PCDHGA2: variants seen among roughly 807,000 people sequenced by gnomAD.
The protein encoded by PCDHGA2 is protocadherin gamma subfamily A, 2.
A neutral mutation model predicts 59.2 loss-of-function variants in PCDHGA2; 40 were observed. The observed-to-expected ratio is 0.68, with a 90% CI of 0.52 to 0.88. The LOEUF (loss-of-function observed/expected upper bound fraction) is 0.88, where lower values mean the gene tolerates loss of function less well. PCDHGA2 is among the 40% of genes least tolerant of loss of function. The probability of loss-of-function intolerance (pLI) is 0.00; values close to 1 mark genes in which losing one functional copy is unlikely to be tolerated. For missense variants in PCDHGA2, 1,226 were observed against 1,204.0 expected, an observed-to-expected ratio of 1.02 and a Z score of -0.27; for synonymous variants, 560 against 526.0, an observed-to-expected ratio of 1.06 and a Z score of -0.89.
At chr5:141,479,573 C>A (rs1468041584) in intron 1 of PCDHGA2, 1 of 152,230 alleles carries the variant, frequency 6.6e-6, no homozygotes, top group Admixed American at 6.5e-5. Flanking sequence ...GGGATGACAT[C>A]TGTGAATAGC....
chr5:141,433,017 A>G, intron 1 of PCDHGA2: 2 of 1,614,124 alleles, frequency 1.2e-6, no homozygotes, highest in Non-Finnish European at 8.5e-7. Context: ...CTGCAGACCT[A>G]TTCCCACGAG....
chr5:141,350,507 G>A, intron 1 of PCDHGA2: 1 of 1,614,040 alleles, frequency 6.2e-7, no homozygotes, highest in Non-Finnish European at 8.5e-7. Context: ...GGATTTGTTA[G>A]TGAACGGTAG....
At position 141,477,290 on chromosome 5, in the gene PCDHGA2, C is replaced by T; in HGVS notation, c.2425-17517C>T. 5 of 1,614,158 alleles carry T rather than the reference C, an allele frequency of 3.1e-6. No individual in the cohort carries two copies. In the South Asian group the frequency reaches 5.5e-5, roughly 18 times the overall value. On this transcript the variant is annotated intron_variant, in intron 1 of 3. Coordinates refer to ENST00000394576, the MANE Select transcript of PCDHGA2 (RefSeq NM_018915.4). The surrounding 1 kb of genome is among the most constrained non-coding windows in gnomAD (Gnocchi z 4.9). ...GAACGGGCTGGTGACCTGCGAAGTT[C>T]CACCGGGTCTCCCTTTCAGCCTTAC...
In PCDHGA2 at chr5:141,395,514, C is replaced by T. The variant is rs138744897; in HGVS notation, c.2424+54119C>T. 1.1e-3 allele frequency: 455 copies of T among 421,180 alleles called. 7 individuals carry two copies. The highest frequency in any genetic ancestry group is 8.9e-3 in the African/African-American group (432 of 48,430). The allele number at this position is 421,180 out of a possible 1,614,324, so 26.1% of individuals were successfully genotyped here. ...ACTCATTCACTTAAGAAGTAGCTAC[C>T]CGTCCATACTGGTAATTTTGCTATT... On this transcript the variant is annotated intron_variant, in intron 1 of 3. Transcript: ENST00000394576.
intron 1 of PCDHGA2, chr5:141,367,404 G>C (rs919849034): frequency 1.3e-5 from 2 of 152,244 alleles, no homozygotes; most frequent in African/African-American, 4.8e-5. Flanking sequence ...GGGCGTGGTG[G>C]CAGGCGCCTG....
intron 1 of PCDHGA2, among the ~76,000 whole-genome samples, chr5:141,386,998 C>G (rs140459920): frequency 6.6e-6 from 1 of 152,058 alleles, no homozygotes; most frequent in African/African-American, 2.4e-5. Flanking sequence ...TGTATTATCC[C>G]CCTGATAACT....
At chr5:141,371,615 T>C (rs754452070) in intron 1 of PCDHGA2, 3 of 1,613,964 alleles carry the variant, frequency 1.9e-6, no homozygotes, top group Middle Eastern at 3.3e-4. Flanking sequence ...TGGTGACAGA[T>C]GGAGCCCTGG....
chr5:141,489,846 T>C lies in PCDHGA2; in HGVS notation c.2425-4961T>C. The C allele has an allele frequency of 6.2e-7, 1 of 1,614,190 alleles. No individual in the cohort carries two copies. The highest frequency in any genetic ancestry group is 1.1e-5 in the South Asian group (1 of 91,088). ...TGGTGCTAGAGCAGCAGCTGGATCG[T>C]GAAGCCCAGGCAAGACATCAGCTGG... is the stretch of plus-strand genomic sequence containing the variant. On this transcript the variant is annotated intron_variant, in intron 1 of 3. Coordinates refer to ENST00000394576, the MANE Select transcript of PCDHGA2 (RefSeq NM_018915.4). This position sits in a 1 kb window ranked among gnomAD's most constrained non-coding sequence, Gnocchi z 4.5.
At chr5:141,427,333 T>C (rs1157500463) in intron 1 of PCDHGA2, 1 of 457,322 alleles carries the variant, frequency 2.2e-6, no homozygotes, top group Non-Finnish European at 4.4e-6. Context: ...TTTACTTCAG[T>C]GTCCAGTTCT....
chr5:141,490,061 A>T lies in PCDHGA2; in HGVS notation c.2425-4746A>T. The stretch of plus-strand genomic sequence containing the variant: ...GCCACTGATCCAGACGAGGGCACCA[A>T]CGGCCAACTAGACTATTCTTTTGGA... On this transcript the variant is annotated intron_variant, in intron 1 of 3. Transcript: ENST00000394576. This position sits in a 1 kb window ranked among gnomAD's most constrained non-coding sequence, Gnocchi z 5.4. 1 of 1,614,214 alleles carries T rather than the reference A, an allele frequency of 6.2e-7. No homozygotes were observed. The highest frequency in any genetic ancestry group is 8.5e-7 in the Non-Finnish European group (1 of 1,180,030).
At chr5:141,347,623 C>A (rs2149746008) in intron 1 of PCDHGA2, among the ~76,000 whole-genome samples, 1 of 152,056 alleles carries the variant, frequency 6.6e-6, no homozygotes, top group Non-Finnish European at 1.5e-5. Context: ...CCTGTCTCTA[C>A]TAAAAATACA....
intron 1 of PCDHGA2, chr5:141,421,469 G>C (rs767500900): frequency 2.5e-6 from 4 of 1,614,122 alleles, no homozygotes; most frequent in Non-Finnish European, 3.4e-6. Context: ...GTGAATCCGC[G>C]AAGCGGCAGC....
chr5:141,489,084 C>G lies in PCDHGA2; in HGVS notation c.2425-5723C>G. ...CTCCCCCCTGCCCACCCCCGCCACT[C>G]GGTGACTAAGAACTGCTGCAAGCAG... On this transcript the variant is annotated intron_variant, in intron 1 of 3. Transcript: ENST00000394576. This position sits in a 1 kb window ranked among gnomAD's most constrained non-coding sequence, Gnocchi z 4.5. 6.1e-6 allele frequency: 2 copies of G among 329,126 alleles called. No homozygotes were observed. The highest frequency in any genetic ancestry group is 2.5e-5 in the African/African-American group (1 of 40,384). 20.4% of individuals were successfully genotyped at this position (329,126 alleles called of 1,614,324 possible). A position where few individuals can be genotyped will look rare whatever the true frequency, so the allele number is the denominator to read the frequency against.
At chr5:141,360,096 T>A in intron 1 of PCDHGA2, 1 of 1,526,388 alleles carries the variant, frequency 6.6e-7, no homozygotes, top group Non-Finnish European at 8.8e-7. Flanking sequence ...CCCGGAAGGC[T>A]TATTCCTCCT....
At chr5:141,400,747 G>GCTT (rs1302066014) in intron 1 of PCDHGA2, 9 of 602,662 alleles carry the variant, frequency 1.5e-5, no homozygotes, top group Admixed American at 6.5e-5. Context: ...TTTGCTCTTA[G>GCTT]CTTCCTCTCT....
In PCDHGA2 at chr5:141,450,141, G is replaced by A. The variant is rs762961199; in HGVS notation, c.2425-44666G>A. On this transcript the variant is annotated intron_variant, in intron 1 of 3. Transcript: ENST00000394576. ...CCTGCCTTAGCCTCCTGAGTAGCTG[G>A]GACTACAGGCATGTGCCACCACACT... Among the ~76,000 whole-genome samples, 401 of 151,622 alleles carry A rather than the reference G, an allele frequency of 2.6e-3. 1 individual carries two copies. The highest frequency in any genetic ancestry group is 3.8e-3 in the Non-Finnish European group (260 of 67,912).
chr5:141,401,060 T>A (rs1395651829), intron 1 of PCDHGA2, among the ~76,000 whole-genome samples: 3 of 152,216 alleles, frequency 2.0e-5, no homozygotes, highest in Non-Finnish European at 4.4e-5. Flanking sequence ...ATACTATATG[T>A]TGGCTGGGTG....
At chr5:141,388,831 T>A (rs1300455758) in intron 1 of PCDHGA2, 1 of 1,613,964 alleles carries the variant, frequency 6.2e-7, no homozygotes, top group Non-Finnish European at 8.5e-7. Flanking sequence ...TATTCCATAG[T>A]TTTGGAAGCA....
At chr5:141,452,673 G>A (rs2098746812) in intron 1 of PCDHGA2, among the ~76,000 whole-genome samples, 1 of 151,896 alleles carries the variant, frequency 6.6e-6, no homozygotes, top group Non-Finnish European at 1.5e-5. Flanking sequence ...CTCCAGCCTA[G>A]GCCACAGAAT....
Sources: allele counts gnomAD v4.1 joint callset (sites outside exome capture counted in the v4.1 genomes callset), GRCh38; gene constraint gnomAD v4.1.1; non-coding constraint Gnocchi (gnomAD v3.1); transcripts MANE v1.5; gene names NCBI Gene and HGNC (gene_info 2026-07-23, HGNC 2026-07-21).